The following INO80C variants were observed in gnomAD, a reference collection of about 807,000 sequenced individuals.
The protein encoded by INO80C is IES6 homolog.
INO80C carries 17 observed loss-of-function variants against 17.7 expected under a neutral mutation model. The observed-to-expected ratio is 0.96, with a 90% confidence interval of 0.66 to 1.44. The LOEUF (loss-of-function observed/expected upper bound fraction) is 1.44, where lower values mean the gene tolerates loss of function less well. INO80C is among the 40% of genes most tolerant of loss of function. The pLI, the probability that INO80C is intolerant of heterozygous loss-of-function variation, is 0.00. For synonymous variants in INO80C, 96 were observed against 95.8 expected, an observed-to-expected ratio of 1.00 and a Z score of -0.01; for missense variants, 244 against 245.0, an observed-to-expected ratio of 1.00 and a Z score of 0.03.
intron 1 of INO80C, among the ~76,000 whole-genome samples, chr18:35,495,725 C>G (rs903030593): frequency 1.3e-5 from 2 of 152,154 alleles, no homozygotes; most frequent in African/African-American, 4.8e-5. Context: ...TATCAAAACG[C>G]ACCAGTCGCA....
At chr18:35,486,644 T>C (rs555910019) in intron 1 of INO80C, among the ~76,000 whole-genome samples, 1 of 152,100 alleles carries the variant, frequency 6.6e-6, no homozygotes, top group South Asian at 2.1e-4. Context: ...AAAAAATGAA[T>C]AAATGGCCTG....
At chr18:35,496,785 C>T (rs1051038506) in intron 1 of INO80C, 1 of 152,236 alleles carries the variant, frequency 6.6e-6, no homozygotes, top group African/African-American at 2.4e-5. Context: ...CTTGGCCTCT[C>T]AAAGTGCTGG....
chr18:35,489,599 C>A (rs1167255475), intron 1 of INO80C, among the ~76,000 whole-genome samples: 1 of 152,052 alleles, frequency 6.6e-6, no homozygotes, highest in Non-Finnish European at 1.5e-5. Flanking sequence ...AGGGGCACAG[C>A]CAAACCATAT....
chr18:35,474,240 T>TATATATATAC (rs2045707321), intron 4 of INO80C, among the ~76,000 whole-genome samples: 1 of 133,412 alleles, frequency 7.5e-6, no homozygotes, highest in Non-Finnish European at 1.6e-5. Context: ...TATATATATA[T>TATATATATAC]ATATACTTAA....
chr18:35,474,146 G>T (rs1469733968), intron 4 of INO80C, among the ~76,000 whole-genome samples: 1 of 128,780 alleles, frequency 7.8e-6, no homozygotes, highest in African/African-American at 2.9e-5. Flanking sequence ...ATGTGTTCAA[G>T]GACTTAAAAT....
chr18:35,489,409 G>A (rs986764472), intron 1 of INO80C: 5 of 223,588 alleles, frequency 2.2e-5, no homozygotes, highest in Admixed American at 1.1e-4. Context: ...AGGCAAGAGA[G>A]AGAATGAGAA....
At position 35,478,336 on chromosome 18, in the gene INO80C, A is replaced by T. The variant is rs1485386234; in HGVS notation, c.393T>A (p.Asp131Glu). 5 of 1,600,706 alleles carry T rather than the reference A, an allele frequency of 3.1e-6. No individual in the cohort carries two copies. Among genetic ancestry groups the T allele is most frequent in the Non-Finnish European group, 4.3e-6 (5 of 1,172,606 alleles). ...QLNDPNYFSIDAPPSFKPAKK... is the reference protein window; with the variant it reads ...QLNDPNYFSIEAPPSFKPAKK... Reference sequence around the variant, plus strand: ...TAGCTGGCTTAAAGGATGGAGGAGCATCAATACTGAAGTCTGGGAAAAAAA... The same window carrying T: ...TAGCTGGCTTAAAGGATGGAGGAGCTTCAATACTGAAGTCTGGGAAAAAAA... The change falls in exon 4 of 5, where the codon GAT becomes GAA. Residue 131 changes from aspartate (D) to glutamate (E), a missense_variant. By Grantham distance (45) the Asp-to-Glu change is conservative. Coordinates refer to ENST00000334598, the MANE Select transcript of INO80C (RefSeq NM_194281.4).
chr18:35,468,815 A>G, intron 4 of INO80C, 73 bp from the exon 5 acceptor site: 1 of 1,389,720 alleles, frequency 7.2e-7, no homozygotes, highest in Non-Finnish European at 1.0e-6. Context: ...AAGTTTAAAA[A>G]TTTTTTCTAT....
chr18:35,480,869 A>T (rs2045798610), intron 1 of INO80C, among the ~76,000 whole-genome samples: 1 of 152,236 alleles, frequency 6.6e-6, no homozygotes, highest in South Asian at 2.1e-4. Flanking sequence ...CAACCACTCC[A>T]CAGTAGGTGC....
chr18:35,490,932 T>C (rs969726862), intron 1 of INO80C, among the ~76,000 whole-genome samples: 2 of 152,194 alleles, frequency 1.3e-5, no homozygotes, highest in African/African-American at 4.8e-5. Flanking sequence ...AGCTAACTTT[T>C]GTATTTTTGT....
At chr18:35,494,133 T>C (rs1282609233) in intron 1 of INO80C, among the ~76,000 whole-genome samples, 1 of 152,224 alleles carries the variant, frequency 6.6e-6, no homozygotes, top group Non-Finnish European at 1.5e-5. Flanking sequence ...CTCCTGTGTC[T>C]CACCACAATA....
At chr18:35,471,552 C>T (rs116542701) in intron 4 of INO80C, among the ~76,000 whole-genome samples, 363 of 152,182 alleles carry the variant, frequency 2.4e-3, no homozygotes, top group African/African-American at 7.6e-3. Context: ...TTTGCGAATG[C>T]GGTCTCTCAT....
chr18:35,496,719 T>C (rs1598754590), intron 1 of INO80C: 1 of 152,092 alleles, frequency 6.6e-6, no homozygotes, highest in Non-Finnish European at 1.5e-5. Flanking sequence ...ATTTGTAAAT[T>C]TGGATGGGGG....
intron 1 of INO80C, chr18:35,489,391 A>G (rs764907522): frequency 2.6e-4 from 64 of 245,488 alleles, no homozygotes; most frequent in Middle Eastern, 1.7e-3. Context: ...CACGTCTTAC[A>G]TGGCAGCAGG....
chr18:35,493,946 T>C (rs1467519652), intron 1 of INO80C, among the ~76,000 whole-genome samples: 1 of 152,190 alleles, frequency 6.6e-6, no homozygotes, highest in East Asian at 1.9e-4. Context: ...TACAATCATT[T>C]ATAGAAAAAC....
At chr18:35,474,879 C>T (rs1388359952) in intron 4 of INO80C, among the ~76,000 whole-genome samples, 3 of 151,972 alleles carry the variant, frequency 2.0e-5, no homozygotes, top group African/African-American at 7.3e-5. Context: ...AACTGAACCG[C>T]AACGAAATAA....
At chr18:35,475,409 T>C (rs1447206170) in intron 4 of INO80C, among the ~76,000 whole-genome samples, 1 of 152,236 alleles carries the variant, frequency 6.6e-6, no homozygotes, top group African/African-American at 2.4e-5. Context: ...GGCTCACGCC[T>C]GTAATCCCAG....
At chr18:35,487,019 T>C (rs2045883752) in intron 1 of INO80C, among the ~76,000 whole-genome samples, 1 of 152,160 alleles carries the variant, frequency 6.6e-6, no homozygotes. Flanking sequence ...CTATTTATAG[T>C]CTCAAAGTAT....
intron 1 of INO80C, among the ~76,000 whole-genome samples, chr18:35,493,743 G>A (rs2045953329): frequency 6.6e-6 from 1 of 152,158 alleles, no homozygotes; most frequent in South Asian, 2.1e-4. Context: ...AAGAATCCAT[G>A]ATAATTCAAG....
Sources: allele counts gnomAD v4.1 joint callset (sites outside exome capture counted in the v4.1 genomes callset), GRCh38; gene constraint gnomAD v4.1.1; transcripts MANE v1.5; gene names NCBI Gene and HGNC (gene_info 2026-07-23, HGNC 2026-07-21).